Variants in SHANK2 observed in about 807,000 individuals in gnomAD.
SHANK2 encodes SH3 and multiple ankyrin repeat domains protein 2.
In SHANK2, 43 loss-of-function variants were observed where a neutral mutation model predicts 133.7. That is an observed-to-expected ratio of 0.32 (90% CI 0.25 to 0.41). SHANK2 has a LOEUF of 0.41. Ranked by LOEUF, SHANK2 falls within the 10% of genes least tolerant of loss-of-function variation. The pLI is 1.00. For synonymous variants in SHANK2, 1,017 were observed against 952.8 expected (o/e 1.07, Z -1.24); for missense variants, 1,994 against 2,235.8 (o/e 0.89, Z 2.18).
chr11:70,642,852 A>C (rs1187650431), intron 17 of SHANK2, among the ~76,000 whole-genome samples: 1 of 152,220 alleles, frequency 6.6e-6, no homozygotes, highest in Non-Finnish European at 1.5e-5. Flanking sequence ...AAAGAATACA[A>C]GTTTTTAAAA....
chr11:70,812,241 C>A (rs1394083240), intron 12 of SHANK2, among the ~76,000 whole-genome samples: 2 of 152,218 alleles, frequency 1.3e-5, no homozygotes, highest in African/African-American at 4.8e-5. Context: ...ACCCATCAAC[C>A]CCAGAGCCTG....
chr11:70,848,800 G>T (rs1458295585), intron 11 of SHANK2, among the ~76,000 whole-genome samples: 2 of 152,204 alleles, frequency 1.3e-5, no homozygotes, highest in Non-Finnish European at 2.9e-5. Context: ...GTGCAGTCTG[G>T]CTGTGATCTT....
rs1184297646 is a variant in SHANK2, at chr11:70,804,298, C to T, written c.1663+2704G>A. 1.3e-5 allele frequency among the ~76,000 whole-genome samples: 2 copies of T among 152,196 alleles called. No homozygotes were observed. The highest frequency in any genetic ancestry group is 2.1e-4 in the South Asian group (1 of 4,832). ...CTGCCATGCAGGCAGCAAGGATGTGCGGGCCACCCCACGATGGGGAGGAGG... is the reference window on the plus strand; with the variant it reads ...CTGCCATGCAGGCAGCAAGGATGTGTGGGCCACCCCACGATGGGGAGGAGG... On this transcript the variant is annotated intron_variant, in intron 13 of 25. Transcript: ENST00000601538. This position sits in a 1 kb window ranked among gnomAD's most constrained non-coding sequence, Gnocchi z 4.1.
At chr11:70,772,172 C>A (rs1947264157) in intron 14 of SHANK2, among the ~76,000 whole-genome samples, 1 of 151,906 alleles carries the variant, frequency 6.6e-6, no homozygotes, top group South Asian at 2.1e-4. Flanking sequence ...TGGTGTGGTG[C>A]CTCACGCCTG....
chr11:70,544,434 CCT>C (rs1475529026), intron 17 of SHANK2, among the ~76,000 whole-genome samples: 1 of 152,236 alleles, frequency 6.6e-6, no homozygotes, highest in Non-Finnish European at 1.5e-5. Flanking sequence ...GGCTACTGCC[CCT>C]GTCTGTCCCT....
intron 5 of SHANK2, 113 bp from the exon 6 acceptor site, chr11:71,110,162 C>T: frequency 1.3e-6 from 1 of 776,448 alleles, no homozygotes; most frequent in South Asian, 1.5e-5. Flanking sequence ...GACATGGCTG[C>T]ACACGGTGGC....
intron 8 of SHANK2, among the ~76,000 whole-genome samples, chr11:71,087,116 G>A (rs954224420): frequency 3.9e-5 from 6 of 152,312 alleles, no homozygotes; most frequent in East Asian, 3.9e-4. Context: ...CGGGACCAAG[G>A]TGGCCGGGTG....
rs556059022 is a variant in SHANK2 at position 70,712,915 on chromosome 11, C to T, written c.1778-14152G>A. Among the ~76,000 whole-genome samples the T allele has an allele frequency of 5.3e-5, 8 of 152,366 alleles. No homozygotes were observed. The South Asian group carries it at 1.7e-3, about 32-fold the overall frequency. ...ACTTGTTCCCAGCTCCCTGGAAGAT[C>T]GTGGTTCCTCCCATGTGCGCACATG... On this transcript the variant is annotated intron_variant, in intron 14 of 25. Coordinates refer to ENST00000601538, the MANE Select transcript of SHANK2 (RefSeq NM_012309.5).
At chr11:71,064,557 A>G (rs1006197640) in intron 9 of SHANK2, among the ~76,000 whole-genome samples, 1 of 152,136 alleles carries the variant, frequency 6.6e-6, no homozygotes, top group Non-Finnish European at 1.5e-5. Flanking sequence ...TGGGTGACAG[A>G]AAGTGGATTT....
intron 17 of SHANK2, chr11:70,646,180 G>A (rs2061258328): frequency 6.6e-6 from 1 of 152,204 alleles, no homozygotes; most frequent in Non-Finnish European, 1.5e-5. Context: ...CTCAAACCCA[G>A]GACATTCAGT....
At chr11:71,238,087 C>G (rs967747824) in intron 1 of SHANK2, among the ~76,000 whole-genome samples, 9 of 152,212 alleles carry the variant, frequency 5.9e-5, no homozygotes, top group African/African-American at 1.9e-4. Context: ...ATGTCCCTTG[C>G]AAGAGCTGGG....
chr11:71,099,729 C>T (rs909141766), intron 6 of SHANK2, among the ~76,000 whole-genome samples: 1 of 152,170 alleles, frequency 6.6e-6, no homozygotes, highest in Admixed American at 6.5e-5. Flanking sequence ...ATGCTCCACA[C>T]CGTATGTCAT....
chr11:70,478,730 T>C (rs2058696662), intron 25 of SHANK2, among the ~76,000 whole-genome samples: 2 of 152,176 alleles, frequency 1.3e-5, no homozygotes, highest in African/African-American at 4.8e-5. Flanking sequence ...CCTGGTCTAG[T>C]TTTAGTCCTT....
At chr11:70,950,634 A>ATC (rs1286579507) in intron 10 of SHANK2, among the ~76,000 whole-genome samples, 1 of 150,528 alleles carries the variant, frequency 6.6e-6, no homozygotes, top group Non-Finnish European at 1.5e-5. Flanking sequence ...CTCAGACAGG[A>ATC]TCTCGCTCTG....
At chr11:70,913,809 C>A (rs377343319) in intron 10 of SHANK2, among the ~76,000 whole-genome samples, 1 of 152,104 alleles carries the variant, frequency 6.6e-6, no homozygotes, top group African/African-American at 2.4e-5. Context: ...GTGTCATTGC[C>A]GGATGGCCAG....
At chr11:71,111,990 G>A (rs782420603) in intron 5 of SHANK2, among the ~76,000 whole-genome samples, 2 of 152,122 alleles carry the variant, frequency 1.3e-5, no homozygotes, top group Non-Finnish European at 2.9e-5. Context: ...AAGGATGGTG[G>A]GGATGCACCA....
At chr11:70,904,127 T>C (rs1555077419) in intron 10 of SHANK2, among the ~76,000 whole-genome samples, 1 of 152,216 alleles carries the variant, frequency 6.6e-6, no homozygotes, top group East Asian at 1.9e-4. Flanking sequence ...CGCTTGGTGT[T>C]GCCTGCCCCA....
At chr11:70,575,524 A>G (rs568741043) in intron 17 of SHANK2, among the ~76,000 whole-genome samples, 280 of 151,864 alleles carry the variant, frequency 1.8e-3, no homozygotes, top group Admixed American at 4.1e-3. Context: ...GCCTCAAAAA[A>G]AAAAGAAAGT....
At chr11:70,516,703 T>C (rs1278030595) in intron 17 of SHANK2, among the ~76,000 whole-genome samples, 1 of 152,282 alleles carries the variant, frequency 6.6e-6, no homozygotes, top group Non-Finnish European at 1.5e-5. Flanking sequence ...CAAACACTTA[T>C]CAGATAAAGG....
Sources: allele counts gnomAD v4.1 joint callset (sites outside exome capture counted in the v4.1 genomes callset), GRCh38; gene constraint gnomAD v4.1.1; non-coding constraint Gnocchi (gnomAD v3.1); transcripts MANE v1.5; gene names NCBI Gene and HGNC (gene_info 2026-07-23, HGNC 2026-07-21).